The following SDK1 variants were observed in gnomAD, a reference collection of about 807,000 sequenced individuals.
SDK1 encodes sidekick cell adhesion molecule 1.
Under a neutral mutation model 245.5 loss-of-function variants are expected in SDK1, and 157 were observed. The ratio of observed to expected loss-of-function variants is 0.64; its 90% CI spans 0.56 to 0.73. The LOEUF (loss-of-function observed/expected upper bound fraction) is 0.73. Ranked by LOEUF, SDK1 falls within the 30% of genes least tolerant of loss-of-function variation. SDK1 has a pLI of 0.00. For missense variants in SDK1, 3,583 were observed against 3,002.3 expected, an observed-to-expected ratio of 1.19 and a Z score of -4.52; for synonymous variants, 1,647 against 1,278.5, an observed-to-expected ratio of 1.29 and a Z score of -6.15.
chr7:4,040,896 C>T (rs1562713620), intron 17 of SDK1, among the ~76,000 whole-genome samples: 2 of 152,194 alleles, frequency 1.3e-5, no homozygotes, highest in Middle Eastern at 3.2e-3. Flanking sequence ...GTTGGCACAG[C>T]TGCCGGCATT....
intron 1 of SDK1, among the ~76,000 whole-genome samples, chr7:3,419,727 A>AG (rs1182768311): frequency 6.6e-6 from 1 of 152,194 alleles, no homozygotes; most frequent in Non-Finnish European, 1.5e-5. Context: ...TTTTAGGTTG[A>AG]GAACTACCTG....
intron 5 of SDK1, among the ~76,000 whole-genome samples, chr7:3,844,606 C>G (rs1780231895): frequency 2.0e-5 from 3 of 152,130 alleles, no homozygotes; most frequent in African/African-American, 4.8e-5. Flanking sequence ...TTTACTACAC[C>G]AAAGAAAAAC....
At chr7:3,897,782 A>G (rs1439120327) in intron 5 of SDK1, among the ~76,000 whole-genome samples, 1 of 152,168 alleles carries the variant, frequency 6.6e-6, no homozygotes, top group African/African-American at 2.4e-5. Context: ...TGGGAAGAAG[A>G]TGAAATAAAT....
intron 5 of SDK1, among the ~76,000 whole-genome samples, chr7:3,892,342 T>C (rs951030996): frequency 1.3e-5 from 2 of 152,206 alleles, no homozygotes; most frequent in Non-Finnish European, 2.9e-5. Context: ...CGTCTCCTCA[T>C]GCCAGGCTGA....
chr7:3,916,629 G>T (rs932449798), intron 5 of SDK1, among the ~76,000 whole-genome samples: 1 of 152,168 alleles, frequency 6.6e-6, no homozygotes, highest in Admixed American at 6.5e-5. Context: ...AATTATTTCT[G>T]TTTGCCTGTA....
At chr7:3,856,232 T>C (rs1248269169) in intron 5 of SDK1, among the ~76,000 whole-genome samples, 2 of 152,002 alleles carry the variant, frequency 1.3e-5, no homozygotes, top group African/African-American at 4.8e-5. Flanking sequence ...AATTTAAGGG[T>C]AGCTAGTAGA....
At chr7:3,785,201 G>T (rs529534719) in intron 4 of SDK1, among the ~76,000 whole-genome samples, 48 of 152,228 alleles carry the variant, frequency 3.2e-4, no homozygotes, top group Admixed American at 5.2e-4. Flanking sequence ...GCTGGAGGGT[G>T]GGGGGAATAG....
intron 36 of SDK1, among the ~76,000 whole-genome samples, chr7:4,207,803 A>G (rs1784308745): frequency 6.6e-6 from 1 of 152,262 alleles, no homozygotes; most frequent in East Asian, 1.9e-4. Context: ...TTCCGTCCTC[A>G]CAACTTATCT....
intron 1 of SDK1, among the ~76,000 whole-genome samples, chr7:3,388,391 A>G (rs1316562690): frequency 7.3e-6 from 1 of 136,838 alleles, no homozygotes; most frequent in Non-Finnish European, 1.5e-5. Context: ...TTGAAGATTA[A>G]AAAAAAAAAA....
At chr7:3,660,538 G>C (rs1484328138) in intron 4 of SDK1, among the ~76,000 whole-genome samples, 2 of 152,294 alleles carry the variant, frequency 1.3e-5, no homozygotes, top group African/African-American at 2.4e-5. Flanking sequence ...GTCACCTTTT[G>C]AGTAAAACCT....
chr7:3,861,820 CAATT>C (rs1046851766), intron 5 of SDK1, among the ~76,000 whole-genome samples: 2 of 152,104 alleles, frequency 1.3e-5, no homozygotes, highest in African/African-American at 4.8e-5. Context: ...AAAAAGAAAA[CAATT>C]AAGAGGATGT....
chr7:3,925,775 G>T (rs377248131), intron 5 of SDK1, among the ~76,000 whole-genome samples: 2 of 152,164 alleles, frequency 1.3e-5, no homozygotes, highest in Admixed American at 1.3e-4. Context: ...TGGCAGGTGC[G>T]TGCTCCAGCC....
intron 5 of SDK1, among the ~76,000 whole-genome samples, chr7:3,888,139 T>C (rs1392084664): frequency 1.3e-5 from 2 of 152,234 alleles, no homozygotes; most frequent in Non-Finnish European, 2.9e-5. Context: ...CTCTCATCAG[T>C]GAATGATAGA....
intron 1 of SDK1, among the ~76,000 whole-genome samples, chr7:3,458,545 T>C (rs867174330): frequency 6.6e-6 from 1 of 152,060 alleles, no homozygotes; most frequent in Admixed American, 6.6e-5. Context: ...TTTTTTGTAC[T>C]TTTTTGTACC....
chr7:3,846,102 T>G lies in SDK1; in HGVS notation c.847+24519T>G, dbSNP rs73674311. Among the ~76,000 whole-genome samples, 868 of 152,342 alleles carry G rather than the reference T, an allele frequency of 5.7e-3. 7 individuals are homozygous for G. The highest frequency in any genetic ancestry group is 0.019 in the African/African-American group (809 of 41,578). ...AGGAAAGTGCGTCCCAGGAATTTTA[T>G]TAACTATATGTTTAGGTTGCTGAGA... On this transcript the variant is annotated intron_variant, in intron 5 of 44. Transcript: ENST00000404826.
At chr7:4,107,847 C>T (rs1348025235) in intron 22 of SDK1, among the ~76,000 whole-genome samples, 5 of 152,188 alleles carry the variant, frequency 3.3e-5, no homozygotes, top group Admixed American at 6.5e-5. Flanking sequence ...TTCTCCATTA[C>T]CTGGAGGCCT....
At chr7:3,786,185 T>C (rs1780894321) in intron 4 of SDK1, among the ~76,000 whole-genome samples, 1 of 152,196 alleles carries the variant, frequency 6.6e-6, no homozygotes. Context: ...CCTTCCATCC[T>C]TGTCAAAAGC....
chr7:3,360,062 G>A (rs1224138883), intron 1 of SDK1, among the ~76,000 whole-genome samples: 2 of 152,202 alleles, frequency 1.3e-5, no homozygotes, highest in Admixed American at 6.5e-5. Context: ...TGCAAAATGT[G>A]AGGGACAGGA....
intron 1 of SDK1, among the ~76,000 whole-genome samples, chr7:3,484,387 G>A (rs1781613500): frequency 6.6e-6 from 1 of 152,170 alleles, no homozygotes; most frequent in South Asian, 2.1e-4. Flanking sequence ...GGTTCCACAA[G>A]GCCGACTTCG....
Sources: gnomAD v4.1 joint callset for allele counts (sites outside exome capture counted in the v4.1 genomes callset) on GRCh38, gnomAD v4.1.1 for gene constraint, MANE v1.5 for transcripts, NCBI Gene and HGNC (gene_info 2026-07-23, HGNC 2026-07-21) for gene names.